Variants in CTNNA2 observed in about 807,000 individuals in gnomAD.
The protein encoded by CTNNA2 is catenin alpha 2, also known as catenin alpha-2.
A neutral mutation model predicts 101.0 loss-of-function variants in CTNNA2; 42 were observed. The observed-to-expected ratio is 0.42, with a 90% CI of 0.32 to 0.54. The LOEUF (loss-of-function observed/expected upper bound fraction) is 0.54. CTNNA2 is among the 20% of genes least tolerant of loss of function. The pLI is 0.14. For missense variants in CTNNA2, 871 were observed against 1,223.1 expected (o/e 0.71, Z 4.29); for synonymous variants, 450 against 456.4 (o/e 0.99, Z 0.18).
intron 7 of CTNNA2, among the ~76,000 whole-genome samples, chr2:80,195,567 C>T (rs1281420992): frequency 2.0e-5 from 3 of 150,892 alleles, no homozygotes; most frequent in Non-Finnish European, 4.4e-5. Flanking sequence ...TAGAGATAAT[C>T]GGATTTAATC....
intron 2 of CTNNA2, among the ~76,000 whole-genome samples, chr2:79,212,264 A>G (rs1674184746): frequency 6.6e-6 from 1 of 152,134 alleles, no homozygotes; most frequent in Non-Finnish European, 1.5e-5. Flanking sequence ...GAGAACGGTG[A>G]ATAGGAGTAT....
intron 7 of CTNNA2, chr2:80,298,252 T>G (rs899187509): frequency 6.6e-6 from 1 of 152,226 alleles, no homozygotes; most frequent in African/African-American, 2.4e-5. Flanking sequence ...TAATTCCTTT[T>G]TATTTGACAT....
At chr2:79,734,979 C>A (rs1325304205) in intron 2 of CTNNA2, among the ~76,000 whole-genome samples, 1 of 152,094 alleles carries the variant, frequency 6.6e-6, no homozygotes, top group African/African-American at 2.4e-5. Flanking sequence ...AGTGGTATCA[C>A]AATAAGTCAG....
chr2:79,490,512 T>C (rs1431967124), intron 4 of CTNNA2, among the ~76,000 whole-genome samples: 1 of 152,190 alleles, frequency 6.6e-6, no homozygotes, highest in Non-Finnish European at 1.5e-5. Context: ...ATTTTGAGAT[T>C]TGGATTATTT....
chr2:79,625,838 T>C (rs1312558254), intron 1 of CTNNA2, among the ~76,000 whole-genome samples: 1 of 152,224 alleles, frequency 6.6e-6, no homozygotes, highest in Non-Finnish European at 1.5e-5. Flanking sequence ...GTGATATAGA[T>C]AAATTGAGAA....
intron 7 of CTNNA2, among the ~76,000 whole-genome samples, chr2:80,128,859 T>A (rs568685472): frequency 1.3e-5 from 2 of 152,266 alleles, no homozygotes; most frequent in Non-Finnish European, 2.9e-5. Context: ...AAAAGGAGAA[T>A]GTCTTAAAGT....
intron 7 of CTNNA2, among the ~76,000 whole-genome samples, chr2:80,007,122 C>T (rs1574523749): frequency 6.6e-6 from 1 of 152,032 alleles, no homozygotes; most frequent in East Asian, 1.9e-4. Context: ...ATGTCAGTTC[C>T]ACATCTCAAT....
chr2:79,926,660 G>A (rs1052504606), intron 7 of CTNNA2, among the ~76,000 whole-genome samples: 13 of 151,804 alleles, frequency 8.6e-5, no homozygotes, highest in African/African-American at 3.1e-4. Flanking sequence ...ACAGTGCTGC[G>A]GGGGCTACTT....
At chr2:80,008,100 C>T (rs957438479) in intron 7 of CTNNA2, among the ~76,000 whole-genome samples, 1 of 152,182 alleles carries the variant, frequency 6.6e-6, no homozygotes, top group East Asian at 1.9e-4. Context: ...TATGTAAAGT[C>T]CCTGCTCCTC....
intron 4 of CTNNA2, among the ~76,000 whole-genome samples, chr2:79,446,973 C>G (rs1208238319): frequency 6.6e-6 from 1 of 151,624 alleles, no homozygotes; most frequent in East Asian, 1.9e-4. Flanking sequence ...TGTCTTTTGT[C>G]TCTGTAATGG....
intron 7 of CTNNA2, among the ~76,000 whole-genome samples, chr2:79,973,654 G>A (rs1180494336): frequency 6.6e-6 from 1 of 152,112 alleles, no homozygotes; most frequent in African/African-American, 2.4e-5. Context: ...TCAGGAATAG[G>A]GCATTGCAAT....
chr2:79,398,323 A>G (rs1678253597), intron 4 of CTNNA2, among the ~76,000 whole-genome samples: 3 of 152,064 alleles, frequency 2.0e-5, no homozygotes, highest in Admixed American at 2.0e-4. Flanking sequence ...GCTATTCTTC[A>G]TGTGAACCAC....
intron 18 of CTNNA2, among the ~76,000 whole-genome samples, chr2:80,629,514 C>G (rs770819387): frequency 2.6e-5 from 4 of 152,070 alleles, no homozygotes; most frequent in African/African-American, 4.8e-5. Flanking sequence ...ACAGATGATT[C>G]ATGGATCACA....
At chr2:80,087,438 T>C (rs1004324976) in intron 7 of CTNNA2, among the ~76,000 whole-genome samples, 2 of 151,988 alleles carry the variant, frequency 1.3e-5, no homozygotes, top group African/African-American at 4.8e-5. Flanking sequence ...AACCAGAAAG[T>C]GTAACAGCTT....
chr2:79,424,717 A>G (rs768299096), intron 4 of CTNNA2, among the ~76,000 whole-genome samples: 2 of 152,156 alleles, frequency 1.3e-5, no homozygotes, highest in Non-Finnish European at 2.9e-5. Context: ...ATATCTAACT[A>G]CTACAAGCAG....
At chr2:80,248,621 G>A (rs147585017) in intron 7 of CTNNA2, among the ~76,000 whole-genome samples, 370 of 152,230 alleles carry the variant, frequency 2.4e-3, no homozygotes, top group African/African-American at 8.5e-3. Flanking sequence ...CTGCTTCCCC[G>A]GAGAGTCTGT....
intron 18 of CTNNA2, among the ~76,000 whole-genome samples, chr2:80,643,179 G>A (rs1309919933): frequency 6.6e-6 from 1 of 152,164 alleles, no homozygotes; most frequent in Non-Finnish European, 1.5e-5. Context: ...GAGAATGAGT[G>A]TAGCAGATCT....
At chr2:80,493,013 C>T (rs1559154542) in intron 9 of CTNNA2, among the ~76,000 whole-genome samples, 2 of 152,262 alleles carry the variant, frequency 1.3e-5, no homozygotes, top group African/African-American at 4.8e-5. Flanking sequence ...CCTCTGTAAA[C>T]AGTGGAATGG....
chr2:79,254,499 C>A (rs879586808), intron 2 of CTNNA2, among the ~76,000 whole-genome samples: 1 of 152,322 alleles, frequency 6.6e-6, no homozygotes, highest in Middle Eastern at 3.4e-3. Context: ...ATGTGAAGGG[C>A]TGGCTCCTGC....
Sources: gnomAD v4.1 joint callset for allele counts (sites outside exome capture counted in the v4.1 genomes callset) on GRCh38, gnomAD v4.1.1 for gene constraint, MANE v1.5 for transcripts, NCBI Gene and HGNC (gene_info 2026-07-23, HGNC 2026-07-21) for gene names.